Variants in SLC35F3 observed in about 807,000 individuals in gnomAD.
SLC35F3 encodes putative thiamine transporter SLC35F3.
SLC35F3 carries 25 observed loss-of-function variants against 49.9 expected under a neutral mutation model. That is an observed-to-expected ratio of 0.50 (90% CI 0.37 to 0.70). The LOEUF (loss-of-function observed/expected upper bound fraction) is 0.70. SLC35F3 is among the 30% of genes least tolerant of loss of function. SLC35F3 has a pLI of 0.00. For missense variants in SLC35F3, 525 were observed against 639.8 expected (o/e 0.82, Z 1.94); for synonymous variants, 275 against 265.4 (o/e 1.04, Z -0.35).
chr1:234,077,000 T>G (rs1413051580), intron 2 of SLC35F3, among the ~76,000 whole-genome samples: 8 of 3,284 alleles, frequency 2.4e-3, no homozygotes, highest in East Asian at 0.045. Context: ...TTTTTTTTGT[T>G]TTTTTTTTTT....
intron 2 of SLC35F3, among the ~76,000 whole-genome samples, chr1:234,136,657 C>G (rs1665817350): frequency 6.6e-6 from 1 of 152,254 alleles, no homozygotes; most frequent in African/African-American, 2.4e-5. Context: ...CACAAAATAA[C>G]TACTCAACAA....
At position 233,946,430 on chromosome 1, in the gene SLC35F3, G is replaced by A. The variant is rs116758703; in HGVS notation, c.283+40672G>A. ...CAAATAAAAATTAAGAAAAGATATCGAATGAATATAATCCAAGCTCTCTGT... is the reference window on the plus strand; with the variant it reads ...CAAATAAAAATTAAGAAAAGATATCAAATGAATATAATCCAAGCTCTCTGT... On this transcript the variant is annotated intron_variant, in intron 2 of 7. Coordinates refer to ENST00000366618, the MANE Select transcript of SLC35F3 (RefSeq NM_173508.4). Among the ~76,000 whole-genome samples, 330 of 152,256 alleles carry A rather than the reference G, an allele frequency of 2.2e-3. 1 individual carries two copies. Among genetic ancestry groups the A allele is most frequent in the African/African-American group, 7.0e-3 (292 of 41,546 alleles).
chr1:234,128,008 T>G (rs1665675024), intron 2 of SLC35F3, among the ~76,000 whole-genome samples: 1 of 152,154 alleles, frequency 6.6e-6, no homozygotes, highest in Admixed American at 6.5e-5. Context: ...GACATTGGGT[T>G]GGGAGCCCAG....
At chr1:234,280,205 G>A (rs897957641) in intron 3 of SLC35F3, among the ~76,000 whole-genome samples, 1 of 152,168 alleles carries the variant, frequency 6.6e-6, no homozygotes, top group East Asian at 1.9e-4. Flanking sequence ...GAACATTCCT[G>A]CTTCCTTCTC....
chr1:234,310,200 C>G (rs752482644), intron 4 of SLC35F3, among the ~76,000 whole-genome samples: 2 of 152,146 alleles, frequency 1.3e-5, no homozygotes, highest in Non-Finnish European at 2.9e-5. Context: ...TTAGCCAGGC[C>G]GCTAGTTCTC....
At chr1:233,945,995 A>G (rs1662508056) in intron 2 of SLC35F3, among the ~76,000 whole-genome samples, 2 of 152,262 alleles carry the variant, frequency 1.3e-5, no homozygotes, top group Admixed American at 1.3e-4. Context: ...AGTGGAAGAT[A>G]GACTTTCAGA....
At position 234,287,554 on chromosome 1, in the gene SLC35F3, T is replaced by G. The variant is rs139418244; in HGVS notation, c.609-21547T>G. Among the ~76,000 whole-genome samples the G allele has an allele frequency of 1.3e-3, 204 of 152,280 alleles. 1 individual carries two copies. The highest frequency in any genetic ancestry group is 4.7e-3 in the African/African-American group (195 of 41,548). On this transcript the variant is annotated intron_variant, in intron 3 of 7. Coordinates refer to ENST00000366618, the MANE Select transcript of SLC35F3 (RefSeq NM_173508.4). ...ACTTACTATATCCCAGGCACTAACC[T>G]AAGCACCTAACACAAAGCAGTTCAT...
Position 234,239,690 on chromosome 1 carries a change from G to A in SLC35F3, c.608+7949G>A, listed in dbSNP as rs546373824. Among the ~76,000 whole-genome samples the A allele has an allele frequency of 3.9e-5, 6 of 152,344 alleles. No individual in the cohort carries two copies. In the South Asian group the frequency reaches 1.0e-3, roughly 26 times the overall value. On this transcript the variant is annotated intron_variant, in intron 3 of 7. Coordinates refer to ENST00000366618, the MANE Select transcript of SLC35F3 (RefSeq NM_173508.4). ...TCCTTATAGGAAGGAACCTGGAGGC[G>A]GTGCCTGGGCAGGTTGGAGCAACAG... is the stretch of plus-strand genomic sequence containing the variant.
Position 234,214,131 on chromosome 1 carries a change from G to A in SLC35F3, c.284-17286G>A. 5.8e-6 allele frequency: 6 copies of A among 1,039,148 alleles called. No homozygotes were observed. The highest frequency in any genetic ancestry group is 6.9e-6 in the Non-Finnish European group (6 of 863,782). 64.4% of individuals were successfully genotyped at this position (1,039,148 alleles called of 1,614,324 possible). On this transcript the variant is annotated intron_variant, in intron 2 of 7. Transcript: ENST00000366618. This position sits in a 1 kb window ranked among gnomAD's most constrained non-coding sequence, Gnocchi z 8.0. ...ACCTGGCTGGGAGGAAGACAGGGAT[G>A]AGGGCTGCGGGGCTGGGCGTCCCGG...
chr1:233,904,987 AG>A lies in SLC35F3; in HGVS notation c.-90del. On this transcript the variant is annotated 5_prime_UTR_variant, in exon 1 of 8. Transcript: ENST00000366618. Reference sequence around the variant, plus strand: ...AGACCCTCGGTGGGCAGCGCACTCCAGTCTTCCCAGGCTAGCGGCTGCAGGG... The same window carrying A: ...AGACCCTCGGTGGGCAGCGCACTCCATCTTCCCAGGCTAGCGGCTGCAGGG... 7.1e-7 allele frequency: 1 copy of A among 1,418,032 alleles called. No homozygotes were observed. The highest frequency in any genetic ancestry group is 9.7e-7 in the Non-Finnish European group (1 of 1,035,324). 87.8% of individuals were successfully genotyped at this position (1,418,032 alleles called of 1,614,324 possible). A position where few individuals can be genotyped will look rare whatever the true frequency, so the allele number is the denominator to read the frequency against.
At chr1:234,316,764 C>T in intron 5 of SLC35F3, 37 bp downstream of exon 5, 3 of 1,583,256 alleles carry the variant, frequency 1.9e-6, no homozygotes. Flanking sequence ...GCTGGCTGGG[C>T]TCTCCTCAGC....
chr1:234,087,216 T>A (rs565184166), intron 2 of SLC35F3, among the ~76,000 whole-genome samples: 65 of 152,290 alleles, frequency 4.3e-4, no homozygotes, highest in South Asian at 2.5e-3. Context: ...CTTCTAACAG[T>A]GAGTCATATA....
At chr1:234,192,240 A>G (rs1208793799) in intron 2 of SLC35F3, among the ~76,000 whole-genome samples, 7 of 152,212 alleles carry the variant, frequency 4.6e-5, no homozygotes, top group Admixed American at 6.5e-5. Context: ...GCATATCAGA[A>G]AGATAATCCA....
chr1:234,141,483 G>C (rs1665912881), intron 2 of SLC35F3, among the ~76,000 whole-genome samples: 1 of 152,114 alleles, frequency 6.6e-6, no homozygotes, highest in African/African-American at 2.4e-5. Context: ...CCTGTATGTA[G>C]ACATCACCAC....
chr1:234,290,460 G>T (rs1668489008), intron 3 of SLC35F3, among the ~76,000 whole-genome samples: 1 of 152,194 alleles, frequency 6.6e-6, no homozygotes, highest in Non-Finnish European at 1.5e-5. Context: ...TCCCACACAT[G>T]CAGGGTAGAC....
intron 2 of SLC35F3, among the ~76,000 whole-genome samples, chr1:234,029,254 G>A (rs1664022548): frequency 6.6e-6 from 1 of 152,158 alleles, no homozygotes; most frequent in Non-Finnish European, 1.5e-5. Flanking sequence ...ACCGGGTCTT[G>A]TGGCTGGGAG....
chr1:234,309,047 T>A, intron 3 of SLC35F3, 54 bp from the exon 4 acceptor site: 1 of 1,437,438 alleles, frequency 7.0e-7, no homozygotes. Context: ...AGGAAATAAA[T>A]GGTCTGTCTG....
chr1:234,023,108 A>G (rs1219839651), intron 2 of SLC35F3, among the ~76,000 whole-genome samples: 3 of 152,140 alleles, frequency 2.0e-5, no homozygotes, highest in African/African-American at 7.2e-5. Context: ...AGTATGGGAG[A>G]GGGATGGAGG....
chr1:234,161,840 A>G (rs1227669427), intron 2 of SLC35F3, among the ~76,000 whole-genome samples: 1 of 152,138 alleles, frequency 6.6e-6, no homozygotes, highest in East Asian at 1.9e-4. Context: ...TGGCTTGTGC[A>G]TAAACTTCAG....
Sources: allele counts gnomAD v4.1 joint callset (sites outside exome capture counted in the v4.1 genomes callset), GRCh38; gene constraint gnomAD v4.1.1; non-coding constraint Gnocchi (gnomAD v3.1); transcripts MANE v1.5; gene names NCBI Gene and HGNC (gene_info 2026-07-23, HGNC 2026-07-21).